The following YTHDC2 variants were observed in gnomAD, a reference collection of about 807,000 sequenced individuals.
YTHDC2 encodes YTH N6-methyladenosine RNA binding protein C2.
A neutral mutation model predicts 174.9 loss-of-function variants in YTHDC2; 45 were observed. The observed-to-expected ratio is 0.26, with a 90% confidence interval of 0.20 to 0.33. YTHDC2 has a LOEUF of 0.33. Ranked by LOEUF, YTHDC2 falls within the 10% of genes least tolerant of loss-of-function variation. The probability of loss-of-function intolerance (pLI) is 1.00; values close to 1 mark genes in which losing one functional copy is unlikely to be tolerated. For missense variants in YTHDC2, 1,650 were observed against 1,723.7 expected, an observed-to-expected ratio of 0.96 and a Z score of 0.76; for synonymous variants, 657 against 574.5, an observed-to-expected ratio of 1.14 and a Z score of -2.05.
At chr5:113,564,153 T>C (rs1465460808) in intron 20 of YTHDC2, 22 bp downstream of exon 20, 1 of 1,573,672 alleles carries the variant, frequency 6.4e-7, no homozygotes, top group South Asian at 1.2e-5. Context: ...GTCATTTTAT[T>C]TCTGAAGACG....
At position 113,514,067 on chromosome 5, in the gene YTHDC2, T is replaced by C. The variant is rs751857910; in HGVS notation, c.172T>C (p.Tyr58His). The change falls in exon 1 of 30, where the codon TAC (tyrosine) becomes CAC (histidine). Residue 58 changes from tyrosine (Y) to histidine (H), a missense_variant. By Grantham distance (83) the Tyr-to-His change is moderately conservative. This residue lies in a region of YTHDC2 where 304 missense variants were observed against 341.4 expected (regional missense o/e 0.89). Transcript: ENST00000161863. ...AVNIALERFR[Y>H]GDQREMEFPS... ...CAATATCGCGCTGGAGCGCTTCCGA[T>C]ACGGGGACCAGAGAGGTGAGGTTCC... 2 of 1,611,926 alleles carry C rather than the reference T, an allele frequency of 1.2e-6. No homozygotes were observed. The highest frequency in any genetic ancestry group is 2.7e-5 in the African/African-American group (2 of 74,850).
At chr5:113,534,117 T>G (rs1206348423) in intron 5 of YTHDC2, among the ~76,000 whole-genome samples, 188 bp from the exon 6 acceptor site, 1 of 152,204 alleles carries the variant, frequency 6.6e-6, no homozygotes, top group Non-Finnish European at 1.5e-5. Context: ...TCATTTAATA[T>G]AAAAGGCTAT....
At position 113,553,968 on chromosome 5, in the gene YTHDC2, C is replaced by G; in HGVS notation, c.2079C>G (p.Thr693=). The G allele has an allele frequency of 6.3e-7, 1 of 1,586,468 alleles. No homozygotes were observed. The highest frequency in any genetic ancestry group is 8.6e-7 in the Non-Finnish European group (1 of 1,168,622). Residue 693 remains threonine, a synonymous_variant, in exon 16 of 30, where the codon ACC becomes ACG. Coordinates refer to ENST00000161863, the MANE Select transcript of YTHDC2 (RefSeq NM_022828.5). ...TTCTTTCCACCAATATTGCTGAAAC[C>G]AGCATCACAGTCAATGATGTTGTCT... The part of the protein sequence containing the change: ...KIILSTNIAE[T]SITVNDVVFV...
In YTHDC2 at chr5:113,581,667, C is replaced by T. The variant is rs760012399; in HGVS notation, c.3605C>T (p.Ser1202Leu). The part of the protein sequence containing the change: ...SWRSNNSRKS[S>L]ADTEFSDECT... ...AGGTCAAATAATAGTAGGAAAAGTTCAGCAGATACTGAATTTTCTGATGAG... is the reference window on the plus strand; with the variant it reads ...AGGTCAAATAATAGTAGGAAAAGTTTAGCAGATACTGAATTTTCTGATGAG... Residue 1202 changes from serine (S) to leucine (L), a missense_variant, in exon 25 of 30, where the codon TCA (serine) becomes TTA (leucine). This residue lies in a region of YTHDC2 where 913 missense variants were observed against 940.4 expected (regional missense o/e 0.97). Coordinates refer to ENST00000161863, the MANE Select transcript of YTHDC2 (RefSeq NM_022828.5). 1 of 1,609,644 alleles carries T rather than the reference C, an allele frequency of 6.2e-7. No homozygotes were observed. The highest frequency in any genetic ancestry group is 8.5e-7 in the Non-Finnish European group (1 of 1,178,618).
At chr5:113,548,901 T>C in intron 11 of YTHDC2, 54 bp from the exon 12 acceptor site, 5 of 1,534,416 alleles carry the variant, frequency 3.3e-6, no homozygotes, top group Non-Finnish European at 4.4e-6. Context: ...AGGCTCATCA[T>C]GAACTAGTTT....
At chr5:113,527,361 T>A (rs552163159) in intron 4 of YTHDC2, among the ~76,000 whole-genome samples, 2 of 152,340 alleles carry the variant, frequency 1.3e-5, no homozygotes, top group African/African-American at 4.8e-5. Flanking sequence ...TCAAAGTACC[T>A]CCTTATGAAG....
chr5:113,574,142 G>A (rs1013877732), intron 23 of YTHDC2, among the ~76,000 whole-genome samples: 2 of 152,168 alleles, frequency 1.3e-5, no homozygotes, highest in African/African-American at 2.4e-5. Context: ...TGAGGTTTTT[G>A]TGGAGTCTTT....
chr5:113,553,660 C>A lies in YTHDC2; in HGVS notation c.1938C>A (p.Asp646Glu), dbSNP rs527497490. The A allele has an allele frequency of 5.0e-6, 8 of 1,613,552 alleles. No homozygotes were observed. The African/African-American group carries it at 1.1e-4, about 22-fold the overall frequency. The change falls in exon 14 of 30, where the codon GAC becomes GAA. Residue 646 changes from aspartate to glutamate, a missense_variant. Physicochemically the swap from Asp to Glu is conservative, Grantham distance 45. Coordinates refer to ENST00000161863, the MANE Select transcript of YTHDC2 (RefSeq NM_022828.5). The stretch of plus-strand genomic sequence containing the variant: ...TGAGAGATCGCATCCTGTTTGATGA[C>A]AAGCGGTTTGCTGACAGTACACATA... ...VGLRDRILFD[D>E]KRFADSTHRY...
Position 113,542,450 on chromosome 5 carries a change from A to G in YTHDC2, c.1442A>G (p.Asp481Gly). 1 of 1,612,922 alleles carries G rather than the reference A, an allele frequency of 6.2e-7. No homozygotes were observed. Among genetic ancestry groups the G allele is most frequent in the Non-Finnish European group, 8.5e-7 (1 of 1,179,570 alleles). Residue 481 changes from aspartate to glycine, a missense_variant, in exon 10 of 30, where the codon GAT becomes GGT. By Grantham distance (94) the Asp-to-Gly change is moderately conservative. This residue lies in a region of YTHDC2 where 411 missense variants were observed against 380.6 expected (regional missense o/e 1.08). Transcript: ENST00000161863. ...CTTTCTGATATATGGCTACATAAAG[A>G]TATTGATGCCTTTGCTCAGGTCTTT... ...ACLSDIWLHK[D>G]IDAFAQVFHL...
chr5:113,517,663 C>G, intron 2 of YTHDC2: 1 of 447,848 alleles, frequency 2.2e-6, no homozygotes, highest in Non-Finnish European at 4.5e-6. Flanking sequence ...TGCTTTCAAA[C>G]CTTCTTACGA....
At chr5:113,541,284 C>T (rs944516053) in intron 9 of YTHDC2, among the ~76,000 whole-genome samples, 168 bp downstream of exon 9, 8 of 151,616 alleles carry the variant, frequency 5.3e-5, no homozygotes, top group Middle Eastern at 3.2e-3. Flanking sequence ...CTCCGCGTTC[C>T]GGGTTCACGC....
At position 113,553,157 on chromosome 5, in the gene YTHDC2, CTTTTTTT is replaced by C; in HGVS notation, c.1689-10_1689-4del. The C allele has an allele frequency of 5.7e-5, 63 of 1,097,006 alleles. No individual in the cohort carries two copies. The highest frequency in any genetic ancestry group is 2.2e-4 in the East Asian group (6 of 27,624). 68.0% of individuals were successfully genotyped at this position (1,097,006 alleles called of 1,614,324 possible). A position where few individuals can be genotyped will look rare whatever the true frequency, so the allele number is the denominator to read the frequency against. ...TTTTGTTAATGGAAATTGACTTTGT[CTTTTTTT>C]TTTTTTTTTTTTTCAGTGCTACACT... On this transcript the variant is annotated splice_polypyrimidine_tract_variant and intron_variant, in intron 12 of 29. Coordinates refer to ENST00000161863, the MANE Select transcript of YTHDC2 (RefSeq NM_022828.5).
At position 113,535,096 on chromosome 5, in the gene YTHDC2, G is replaced by GA. The variant is rs547572091; in HGVS notation, c.946-540dup. ...TTTTTTGTAGTTTTATATTTTGTGG[G>GA]AAAAAAGGGCAATATAGACAGCTCT... On this transcript the variant is annotated intron_variant, in intron 6 of 29. Transcript: ENST00000161863. Among the ~76,000 whole-genome samples, 281 of 152,060 alleles carry GA rather than the reference G, an allele frequency of 1.8e-3. 3 individuals carry two copies. Among genetic ancestry groups the GA allele is most frequent in the African/African-American group, 6.4e-3 (267 of 41,508 alleles).
chr5:113,529,978 T>C (rs1247582910), intron 4 of YTHDC2, among the ~76,000 whole-genome samples: 3 of 152,044 alleles, frequency 2.0e-5, no homozygotes, highest in Non-Finnish European at 4.4e-5. Context: ...CAGGCTGGAG[T>C]GCAGTGGCTA....
chr5:113,551,750 T>C (rs1241488985), intron 12 of YTHDC2, among the ~76,000 whole-genome samples: 1 of 152,154 alleles, frequency 6.6e-6, no homozygotes, highest in African/African-American at 2.4e-5. Context: ...GAACTTAAAG[T>C]ATAATAAAAC....
At chr5:113,592,309 A>G (rs951134096) in intron 28 of YTHDC2, 131 bp downstream of exon 28, 9 of 905,870 alleles carry the variant, frequency 9.9e-6, no homozygotes, top group Non-Finnish European at 1.1e-5. Flanking sequence ...ACAGGGGTTC[A>G]GGTTTGTAAA....
At chr5:113,592,603 T>G (rs1779067948) in intron 28 of YTHDC2, 1 of 152,836 alleles carries the variant, frequency 6.5e-6, no homozygotes, top group East Asian at 1.9e-4. Flanking sequence ...AAATTATTAG[T>G]CCAATTTTAT....
chr5:113,553,290 G>A lies in YTHDC2; in HGVS notation c.1798G>A (p.Asp600Asn), dbSNP rs1250501137. Residue 600 changes from aspartate to asparagine, a missense_variant, in exon 13 of 30, where the codon GAT becomes AAT. Coordinates refer to ENST00000161863, the MANE Select transcript of YTHDC2 (RefSeq NM_022828.5). ...CCTGAAAGCTTATCATCATAGTTTCGATGATGAAAAAGTAGACTTGGATTT... is the reference window on the plus strand; with the variant it reads ...CCTGAAAGCTTATCATCATAGTTTCAATGATGAAAAAGTAGACTTGGATTT... Reference protein sequence around the residue: ...ELLKAYHHSFDDEKVDLDLIM... With the variant: ...ELLKAYHHSFNDEKVDLDLIM... 1.3e-5 allele frequency: 21 copies of A among 1,610,732 alleles called. No individual in the cohort carries two copies. The highest frequency in any genetic ancestry group is 1.8e-5 in the Non-Finnish European group (21 of 1,178,642).
chr5:113,589,408 AATATAT>A (rs34243829), intron 26 of YTHDC2, among the ~76,000 whole-genome samples: 24 of 123,244 alleles, frequency 1.9e-4, no homozygotes, highest in African/African-American at 7.2e-4. Context: ...AAAAAAAAAA[AATATAT>A]ATATATATAT....
Sources: gnomAD v4.1 joint callset for allele counts (sites outside exome capture counted in the v4.1 genomes callset) on GRCh38, gnomAD v4.1.1 for gene constraint, gnomAD v4.1.1 regional missense constraint, MANE v1.5 for transcripts, NCBI Gene and HGNC (gene_info 2026-07-23, HGNC 2026-07-21) for gene names.